ACAD8: variants seen among roughly 807,000 people sequenced by gnomAD.
ACAD8 encodes isobutyryl-CoA dehydrogenase, mitochondrial.
Under a neutral mutation model 53.1 loss-of-function variants are expected in ACAD8, and 47 were observed. The ratio of observed to expected loss-of-function variants is 0.89; its 90% CI spans 0.70 to 1.13. The LOEUF (loss-of-function observed/expected upper bound fraction) is 1.13. Among genes scored for constraint, ACAD8 ranks in the 50% most tolerant of loss-of-function variants. The probability of loss-of-function intolerance (pLI) is 0.00; values close to 1 mark genes in which losing one functional copy is unlikely to be tolerated. For missense variants in ACAD8, 494 were observed against 535.0 expected (o/e 0.92, Z 0.76); for synonymous variants, 198 against 201.3 (o/e 0.98, Z 0.14).
intron 4 of ACAD8, 132 bp downstream of exon 4, chr11:134,258,756 T>C: frequency 2.5e-6 from 2 of 795,392 alleles, no homozygotes; most frequent in South Asian, 2.9e-5. Flanking sequence ...TGAGGAGTAA[T>C]AGAGTCCTGT....
intron 2 of ACAD8, 33 bp from the exon 3 acceptor site, chr11:134,257,055 G>C (rs1591506704): frequency 1.2e-6 from 2 of 1,613,796 alleles, no homozygotes; most frequent in Non-Finnish European, 1.7e-6. Flanking sequence ...CTCTGAATCA[G>C]CTGCTGATCA....
intron 1 of ACAD8, among the ~76,000 whole-genome samples, chr11:134,254,296 T>A (rs185587666): frequency 6.6e-6 from 1 of 152,228 alleles, no homozygotes; most frequent in Admixed American, 6.5e-5. Flanking sequence ...CACCTCTGGC[T>A]ATAAGACACT....
Position 134,261,864 on chromosome 11 carries a change from C to A in ACAD8, c.1066C>A (p.Leu356Ile). 1 of 1,614,164 alleles carries A rather than the reference C, an allele frequency of 6.2e-7. No homozygotes were observed. The highest frequency in any genetic ancestry group is 8.5e-7 in the Non-Finnish European group (1 of 1,180,038). The change falls in exon 9 of 11, where the codon CTC becomes ATC. Residue 356 changes from leucine (L) to isoleucine (I), a missense_variant. Coordinates refer to ENST00000281182, the MANE Select transcript of ACAD8 (RefSeq NM_014384.3). This position sits in a 1 kb window ranked among gnomAD's most constrained non-coding sequence, Gnocchi z 4.2. ...AGTGGCCTTGTGCTCCATGGCCAAG[C>A]TCTTTGCTACAGATGAATGCTTTGC... is the stretch of plus-strand genomic sequence containing the variant. ...DAVALCSMAK[L>I]FATDECFAIC...
At chr11:134,260,429 G>T (rs1939812956) in intron 6 of ACAD8, 1 of 184,608 alleles carries the variant, frequency 5.4e-6, no homozygotes, top group African/African-American at 2.4e-5. Flanking sequence ...ACCCCTAAGT[G>T]TACCTCTTTC....
chr11:134,259,987 G>C (rs1461203398), intron 6 of ACAD8: 2 of 1,350,812 alleles, frequency 1.5e-6, no homozygotes. Context: ...TGAGTGTTCT[G>C]ACCTCTCCTG....
chr11:134,260,556 A>C, intron 6 of ACAD8: 1 of 213,786 alleles, frequency 4.7e-6, no homozygotes, highest in South Asian at 7.4e-5. Context: ...ACCATTTCCT[A>C]GGCTTCTACT....
chr11:134,258,957 A>T (rs1939710373), intron 4 of ACAD8, 51 bp from the exon 5 acceptor site: 1 of 1,458,864 alleles, frequency 6.9e-7, no homozygotes, highest in Admixed American at 1.7e-5. Flanking sequence ...GGCTCCCTCG[A>T]CCTCACTGAC....
In ACAD8 at chr11:134,259,013, G is replaced by C; in HGVS notation, c.496G>C (p.Gly166Arg). 1 of 1,613,890 alleles carries C rather than the reference G, an allele frequency of 6.2e-7. No individual in the cohort carries two copies. The highest frequency in any genetic ancestry group is 2.2e-5 in the East Asian group (1 of 44,868). ...ASYCLTEPGS[G>R]SDAASLLTSA... ...GCCTTTTGATCCCTCCTCAGGAAGT[G>C]GGAGTGATGCTGCCTCTCTTCTGAC... Residue 166 changes from glycine (G) to arginine (R), a missense_variant, in exon 5 of 11, where the codon GGG (glycine) becomes CGG (arginine). Physicochemically the swap from Gly to Arg is moderately radical, Grantham distance 125 (BLOSUM62 -2). Coordinates refer to ENST00000281182, the MANE Select transcript of ACAD8 (RefSeq NM_014384.3).
intron 10 of ACAD8, 44 bp downstream of exon 10, chr11:134,262,666 C>A (rs780482675): frequency 1.3e-6 from 2 of 1,565,164 alleles, no homozygotes; most frequent in Admixed American, 1.8e-5. Context: ...AGAACGGGGG[C>A]GGGATCGCTG....
intron 3 of ACAD8, chr11:134,258,112 A>G: frequency 3.3e-6 from 1 of 300,108 alleles, no homozygotes; most frequent in Admixed American, 4.8e-5. Context: ...GGCCTCCCAT[A>G]GTGCTGGGAT....
At chr11:134,258,770 C>T (rs545303222) in intron 4 of ACAD8, 146 bp downstream of exon 4, 1 of 761,692 alleles carries the variant, frequency 1.3e-6, no homozygotes, top group Non-Finnish European at 2.3e-6. Flanking sequence ...GTCCTGTGAC[C>T]TGATGTCACA....
chr11:134,258,465 T>G, intron 3 of ACAD8, 50 bp from the exon 4 acceptor site: 1 of 1,397,908 alleles, frequency 7.2e-7, no homozygotes, highest in Non-Finnish European at 1.0e-6. Flanking sequence ...TTTTTTTTCT[T>G]TTCCATCTTT....
At chr11:134,264,843 CAG>C in intron 10 of ACAD8, 63 bp from the exon 11 acceptor site, 1 of 1,456,652 alleles carries the variant, frequency 6.9e-7, no homozygotes, top group South Asian at 1.1e-5. Flanking sequence ...GCAGCCTGGT[CAG>C]AGCTTTACTA....
At position 134,253,641 on chromosome 11, in the gene ACAD8, G is replaced by T. The variant is rs1208867244; in HGVS notation, c.41G>T (p.Gly14Val). Residue 14 changes from glycine (G) to valine (V), a missense_variant, in exon 1 of 11, where the codon GGC (glycine) becomes GTC (valine). Coordinates refer to ENST00000281182, the MANE Select transcript of ACAD8 (RefSeq NM_014384.3). ...SGCRRFGARL[G>V]CLPGGLRVLV... ...TGCCGGCGTTTCGGGGCGCGCCTCGGCTGCCTGCCCGGCGGTCTCCGGGTC... is the reference window on the plus strand; with the variant it reads ...TGCCGGCGTTTCGGGGCGCGCCTCGTCTGCCTGCCCGGCGGTCTCCGGGTC... 6 of 1,590,066 alleles carry T rather than the reference G, an allele frequency of 3.8e-6. No homozygotes were observed. The East Asian group carries it at 9.2e-5, about 24-fold the overall frequency.
intron 1 of ACAD8, among the ~76,000 whole-genome samples, chr11:134,253,995 C>A (rs577792418): frequency 6.8e-6 from 1 of 148,124 alleles, no homozygotes; most frequent in Non-Finnish European, 1.5e-5. Flanking sequence ...CGGTCACCCC[C>A]GCCCCGGTCC....
chr11:134,254,240 C>T (rs937312464), intron 1 of ACAD8, among the ~76,000 whole-genome samples: 1 of 152,300 alleles, frequency 6.6e-6, no homozygotes, highest in East Asian at 1.9e-4. Flanking sequence ...CACAAGAACT[C>T]CAGGTCATAC....
rs751397190 is a variant in ACAD8, at chr11:134,256,570, G to C, written c.132G>C (p.Glu44Asp). ...CIDPSMGLNE[E>D]QKEFQKVAFD... ...CAGCTTCCATGGGACTTAATGAAGA[G>C]CAGAAAGAATTTCAAAAAGTGGCCT... Residue 44 changes from glutamate (E) to aspartate (D), a missense_variant, in exon 2 of 11, where the codon GAG (glutamate) becomes GAC (aspartate). Coordinates refer to ENST00000281182, the MANE Select transcript of ACAD8 (RefSeq NM_014384.3). The C allele has an allele frequency of 6.2e-7, 1 of 1,614,202 alleles. No homozygotes were observed. The highest frequency in any genetic ancestry group is 8.5e-7 in the Non-Finnish European group (1 of 1,180,028).
rs1412677737 is a variant in ACAD8, at chr11:134,256,577, G to A, written c.139G>A (p.Glu47Lys). ...CATGGGACTTAATGAAGAGCAGAAA[G>A]AATTTCAAAAAGTGGCCTTTGACTT... ...PSMGLNEEQK[E>K]FQKVAFDFAA... The change falls in exon 2 of 11, where the codon GAA becomes AAA. Residue 47 changes from glutamate to lysine, a missense_variant. Physicochemically the swap from Glu to Lys is moderately conservative, Grantham distance 56. Transcript: ENST00000281182. The A allele has an allele frequency of 1.2e-6, 2 of 1,614,078 alleles. No homozygotes were observed. Among genetic ancestry groups the A allele is most frequent in the African/African-American group, 2.7e-5 (2 of 74,944 alleles).
intron 6 of ACAD8, 105 bp from the exon 7 acceptor site, chr11:134,260,939 A>G (rs1014946159): frequency 3.0e-6 from 4 of 1,340,806 alleles, no homozygotes; most frequent in African/African-American, 1.5e-5. Flanking sequence ...TTGTGGGTCT[A>G]AGTCTTGGGT....
Sources: gnomAD v4.1 joint callset for allele counts (sites outside exome capture counted in the v4.1 genomes callset) on GRCh38, gnomAD v4.1.1 for gene constraint, Gnocchi (gnomAD v3.1) non-coding constraint, MANE v1.5 for transcripts, NCBI Gene and HGNC (gene_info 2026-07-23, HGNC 2026-07-21) for gene names.